The following MPPE1 variants were observed in gnomAD, a reference collection of about 807,000 sequenced individuals.
The protein encoded by MPPE1 is metallo phosphoesterase.
In MPPE1, 28 loss-of-function variants were observed where a neutral mutation model predicts 43.8. That is an observed-to-expected ratio of 0.64 (90% confidence interval 0.47 to 0.88). The LOEUF (loss-of-function observed/expected upper bound fraction) is 0.88, where lower values mean the gene tolerates loss of function less well. MPPE1 is among the 40% of genes least tolerant of loss of function. The probability of loss-of-function intolerance (pLI) is 0.00; values close to 1 mark genes in which losing one functional copy is unlikely to be tolerated. For synonymous variants in MPPE1, 159 were observed against 188.5 expected, an observed-to-expected ratio of 0.84 and a Z score of 1.28; for missense variants, 428 against 492.2, an observed-to-expected ratio of 0.87 and a Z score of 1.23.
intron 2 of MPPE1, chr18:11,902,939 A>G (rs903259805): frequency 6.6e-6 from 1 of 152,172 alleles, no homozygotes; most frequent in Admixed American, 6.6e-5. Context: ...CCCTGCCCCA[A>G]CTCCCCACTG....
intron 4 of MPPE1, among the ~76,000 whole-genome samples, chr18:11,892,343 T>C (rs6505680): frequency 0.39 from 52,387 of 134,786 alleles, 10,379 homozygotes; most frequent in African/African-American, 0.56. Flanking sequence ...CCATCCCCCA[T>C]AGCACCAAAA....
intron 10 of MPPE1, chr18:11,885,401 T>A: frequency 2.2e-6 from 1 of 449,582 alleles, no homozygotes; most frequent in Non-Finnish European, 4.0e-6. Context: ...ACACACAGAG[T>A]GTAAGAGGAG....
chr18:11,904,656 C>A (rs371410331), intron 2 of MPPE1, among the ~76,000 whole-genome samples: 5 of 152,124 alleles, frequency 3.3e-5, no homozygotes, highest in Non-Finnish European at 4.4e-5. Context: ...AGTGGCTGTG[C>A]GGGGCATGGT....
chr18:11,904,337 C>A, intron 2 of MPPE1, among the ~76,000 whole-genome samples: 1 of 148,912 alleles, frequency 6.7e-6, no homozygotes, highest in South Asian at 2.1e-4. Flanking sequence ...TTTTTTGAGA[C>A]AAGGTCTCGC....
intron 2 of MPPE1, among the ~76,000 whole-genome samples, chr18:11,904,124 C>G (rs534107766): frequency 6.6e-6 from 1 of 152,024 alleles, no homozygotes; most frequent in East Asian, 1.9e-4. Flanking sequence ...AGCCATTCAA[C>G]CAGAGGAAGA....
chr18:11,884,704 G>C lies in MPPE1; in HGVS notation c.1009-77C>G, dbSNP rs1194572051. On this transcript the variant is annotated intron_variant, in intron 10 of 10. Coordinates refer to ENST00000588072, the MANE Select transcript of MPPE1 (RefSeq NM_023075.6). The stretch of plus-strand genomic sequence containing the variant: ...ACCGCAGTCTTAGAAACAGCAGAGG[G>C]AAGACTGCCTTCTCAGGTCCCCCTC... 8 of 1,474,868 alleles carry C rather than the reference G, an allele frequency of 5.4e-6. No homozygotes were observed. In the Admixed American group the frequency reaches 7.3e-5, roughly 13 times the overall value. 91.4% of individuals were successfully genotyped at this position (1,474,868 alleles called of 1,614,324 possible). A position where few individuals can be genotyped will look rare whatever the true frequency, so the allele number is the denominator to read the frequency against.
In MPPE1 at chr18:11,886,638, G is replaced by C. The variant is rs2037300833; in HGVS notation, c.745-17C>G. 6.2e-7 allele frequency: 1 copy of C among 1,614,110 alleles called. No homozygotes were observed. The highest frequency in any genetic ancestry group is 8.5e-7 in the Non-Finnish European group (1 of 1,180,034). ...AGGATAATGCTGTCCGGGGTGGAGA[G>C]AGGAGTTCAGGCGGCTATCGTGAAA... On this transcript the variant is annotated splice_polypyrimidine_tract_variant and intron_variant, in intron 8 of 10. Transcript: ENST00000588072. The surrounding 1 kb of genome is among the most constrained non-coding windows in gnomAD (Gnocchi z 4.1).
At chr18:11,891,506 A>G (rs1240684706) in intron 4 of MPPE1, 5 of 152,206 alleles carry the variant, frequency 3.3e-5, no homozygotes, top group Non-Finnish European at 7.3e-5. Flanking sequence ...TTAGAGTAAC[A>G]TAAAATCAGA....
At chr18:11,894,052 A>C (rs1484408126) in intron 3 of MPPE1, among the ~76,000 whole-genome samples, 2 of 152,204 alleles carry the variant, frequency 1.3e-5, no homozygotes, top group African/African-American at 4.8e-5. Flanking sequence ...GCTAATATCA[A>C]AACAGGAACC....
At chr18:11,899,706 G>A (rs1234550230) in intron 2 of MPPE1, among the ~76,000 whole-genome samples, 4 of 152,216 alleles carry the variant, frequency 2.6e-5, no homozygotes, top group African/African-American at 7.2e-5. Flanking sequence ...CTTACGGGGT[G>A]GGAGCTTTGG....
intron 2 of MPPE1, among the ~76,000 whole-genome samples, chr18:11,901,944 G>A (rs2039254048): frequency 6.6e-6 from 1 of 152,184 alleles, no homozygotes; most frequent in Non-Finnish European, 1.5e-5. Flanking sequence ...GGAGTCAACT[G>A]CTCTTGCTGA....
intron 6 of MPPE1, among the ~76,000 whole-genome samples, 178 bp from the exon 7 acceptor site, chr18:11,887,203 A>G (rs186636013): frequency 1.1e-3 from 175 of 152,364 alleles, no homozygotes; most frequent in Non-Finnish European, 1.7e-3. Flanking sequence ...TAACAAAAAT[A>G]GCATTACTGG....
At chr18:11,887,085 C>T in intron 6 of MPPE1, 60 bp from the exon 7 acceptor site, 13 of 1,259,662 alleles carry the variant, frequency 1.0e-5, no homozygotes, top group Non-Finnish European at 1.5e-5. Flanking sequence ...CTTTTCCCTA[C>T]TGTTCCCATG....
intron 3 of MPPE1, among the ~76,000 whole-genome samples, chr18:11,896,408 T>C (rs2038620580): frequency 6.6e-6 from 1 of 152,154 alleles, no homozygotes; most frequent in South Asian, 2.1e-4. Context: ...GGCCTAAAAA[T>C]AATTTGTTTA....
chr18:11,887,594 A>G (rs2144192710), intron 6 of MPPE1, among the ~76,000 whole-genome samples: 1 of 152,368 alleles, frequency 6.6e-6, no homozygotes, highest in Admixed American at 6.5e-5. Context: ...AACTAGGGTA[A>G]TAACAAAGTC....
At chr18:11,908,098 T>G (rs569380745) in intron 1 of MPPE1, 103 bp downstream of exon 1, 1 of 152,290 alleles carries the variant, frequency 6.6e-6, no homozygotes, top group South Asian at 2.1e-4. Context: ...AGCAAATAAT[T>G]TGCAGAATGC....
At chr18:11,890,306 G>A (rs937530674) in intron 4 of MPPE1, among the ~76,000 whole-genome samples, 2 of 151,658 alleles carry the variant, frequency 1.3e-5, no homozygotes, top group African/African-American at 4.8e-5. Flanking sequence ...CCAAGTTTTT[G>A]TTTTATTTTG....
At chr18:11,898,678 C>A (rs1183873807) in intron 2 of MPPE1, among the ~76,000 whole-genome samples, 1 of 152,110 alleles carries the variant, frequency 6.6e-6, no homozygotes, top group South Asian at 2.1e-4. Flanking sequence ...ACTGACCCTG[C>A]TGGGACCCAT....
Position 11,897,252 on chromosome 18 carries a change from C to T in MPPE1, c.13G>A (p.Glu5Lys), listed in dbSNP as rs780355922. ...AAATTCTGTCTTCCAAACCCCAATT[C>T]GATCATCGCCATTTCTCAAGCAACA... MAMI[E>K]LGFGRQNFHP... is the part of the protein sequence containing the mutation. The change falls in exon 3 of 11, where the codon GAA (glutamate) becomes AAA (lysine). Residue 5 changes from glutamate (E) to lysine (K), a missense_variant. By Grantham distance (56) the Glu-to-Lys change is moderately conservative. This residue lies in a region of MPPE1 where 48 missense variants were observed against 73.5 expected (regional missense o/e 0.65). Transcript: ENST00000588072. 11 of 1,179,286 alleles carry T rather than the reference C, an allele frequency of 9.3e-6. No homozygotes were observed. Among genetic ancestry groups the T allele is most frequent in the African/African-American group, 4.6e-5 (3 of 64,874 alleles). The allele number at this position is 1,179,286 out of a possible 1,614,324, so 73.1% of individuals were successfully genotyped here. A position where few individuals can be genotyped will look rare whatever the true frequency, so the allele number is the denominator to read the frequency against.
Sources: gnomAD v4.1 joint callset for allele counts (sites outside exome capture counted in the v4.1 genomes callset) on GRCh38, gnomAD v4.1.1 for gene constraint, gnomAD v4.1.1 regional missense constraint, Gnocchi (gnomAD v3.1) non-coding constraint, MANE v1.5 for transcripts, NCBI Gene and HGNC (gene_info 2026-07-23, HGNC 2026-07-21) for gene names.